ACSS3: variants seen among roughly 807,000 people sequenced by gnomAD.
The protein encoded by ACSS3 is acyl-CoA synthetase short chain family member 3.
In ACSS3, 64 loss-of-function variants were observed where a neutral mutation model predicts 84.2. The ratio of observed to expected loss-of-function variants is 0.76; its 90% CI spans 0.62 to 0.94. ACSS3 has a LOEUF of 0.94. ACSS3 is among the 40% of genes least tolerant of loss of function. The probability of loss-of-function intolerance (pLI) is 0.00; values close to 1 mark genes in which losing one functional copy is unlikely to be tolerated. For missense variants in ACSS3, 815 were observed against 867.6 expected (o/e 0.94, Z 0.76); for synonymous variants, 317 against 310.1 (o/e 1.02, Z -0.23).
intron 1 of ACSS3, among the ~76,000 whole-genome samples, chr12:81,092,994 T>C (rs1881767062): frequency 7.1e-6 from 1 of 140,626 alleles, no homozygotes; most frequent in South Asian, 2.5e-4. Context: ...CTAGGTTATG[T>C]TTGTGTCTGT....
intron 1 of ACSS3, among the ~76,000 whole-genome samples, chr12:81,106,936 T>C (rs1883055408): frequency 6.6e-6 from 1 of 151,704 alleles, no homozygotes; most frequent in Non-Finnish European, 1.5e-5. Context: ...GGATGCAACA[T>C]AGTTCCTTGA....
At position 81,259,447 on chromosome 12, in the gene ACSS3, G is replaced by A; in HGVS notation, c.*4525G>A. The A allele has an allele frequency of 1.5e-6, 1 of 662,636 alleles. No individual in the cohort carries two copies. Among genetic ancestry groups the A allele is most frequent in the Non-Finnish European group, 2.7e-6 (1 of 372,654 alleles). The allele number at this position is 662,636 out of a possible 1,614,324, so 41.0% of individuals were successfully genotyped here. The stretch of plus-strand genomic sequence containing the variant: ...GTTGTACAGAGTTTATGATGTAGAT[G>A]ATGTTTATTATTCAAATGACTTAAG... On this transcript the variant is annotated 3_prime_UTR_variant, in exon 16 of 16. Coordinates refer to ENST00000548058, the MANE Select transcript of ACSS3 (RefSeq NM_024560.4).
At chr12:81,251,830 G>T (rs2034165428) in intron 13 of ACSS3, among the ~76,000 whole-genome samples, 1 of 152,040 alleles carries the variant, frequency 6.6e-6, no homozygotes, top group East Asian at 1.9e-4. Flanking sequence ...GTGGCAGAGT[G>T]AGATCTTGTC....
chr12:81,141,653 A>G (rs971760589), intron 4 of ACSS3, among the ~76,000 whole-genome samples: 1 of 152,184 alleles, frequency 6.6e-6, no homozygotes, highest in Non-Finnish European at 1.5e-5. Context: ...TTAGAGTCCT[A>G]TCAAAATTAT....
chr12:81,216,418 A>C (rs1366842355), intron 9 of ACSS3, among the ~76,000 whole-genome samples: 1 of 152,188 alleles, frequency 6.6e-6, no homozygotes, highest in Non-Finnish European at 1.5e-5. Context: ...TCAATGTAAT[A>C]ATTTCAAAAA....
intron 2 of ACSS3, among the ~76,000 whole-genome samples, chr12:81,119,809 A>C (rs189456367): frequency 6.6e-6 from 1 of 152,318 alleles, no homozygotes; most frequent in South Asian, 2.1e-4. Flanking sequence ...TTTACAATCA[A>C]TTTGTACAGT....
chr12:81,155,219 CT>C (rs996215182), intron 7 of ACSS3, among the ~76,000 whole-genome samples: 4 of 152,190 alleles, frequency 2.6e-5, no homozygotes, highest in African/African-American at 9.6e-5. Context: ...GCTTGTTCTT[CT>C]TTTCTTCTCT....
chr12:81,079,775 C>G (rs770241109), intron 1 of ACSS3, among the ~76,000 whole-genome samples: 3 of 152,196 alleles, frequency 2.0e-5, no homozygotes, highest in African/African-American at 7.2e-5. Flanking sequence ...CTCACAGTTA[C>G]TGACTGTGTG....
chr12:81,095,470 C>T (rs1239573196), intron 1 of ACSS3, among the ~76,000 whole-genome samples: 1 of 151,968 alleles, frequency 6.6e-6, no homozygotes, highest in African/African-American at 2.4e-5. Context: ...ATCCTATGTC[C>T]TTTTACTTAA....
At chr12:81,135,368 A>G (rs1220847094) in intron 3 of ACSS3, among the ~76,000 whole-genome samples, 1 of 141,814 alleles carries the variant, frequency 7.1e-6, no homozygotes, top group Non-Finnish European at 1.5e-5. Flanking sequence ...AATATATATC[A>G]CATTATATAT....
intron 2 of ACSS3, among the ~76,000 whole-genome samples, chr12:81,113,261 G>GAGATT (rs1356335786): frequency 6.6e-6 from 1 of 152,048 alleles, no homozygotes; most frequent in Non-Finnish European, 1.5e-5. Context: ...AGAGTCTAGG[G>GAGATT]AGATTTCTGG....
chr12:81,155,943 C>G (rs1056038073), intron 7 of ACSS3, among the ~76,000 whole-genome samples: 1 of 152,134 alleles, frequency 6.6e-6, no homozygotes, highest in Non-Finnish European at 1.5e-5. Flanking sequence ...TCGACAGCAG[C>G]AGAATACACA....
At chr12:81,104,081 A>G (rs1882760253) in intron 1 of ACSS3, among the ~76,000 whole-genome samples, 2 of 152,184 alleles carry the variant, frequency 1.3e-5, no homozygotes, top group Admixed American at 6.5e-5. Flanking sequence ...CAAATACAAT[A>G]AAAAACCTAG....
intron 7 of ACSS3, among the ~76,000 whole-genome samples, chr12:81,163,952 T>C (rs941442139): frequency 3.9e-5 from 6 of 152,180 alleles, no homozygotes; most frequent in Admixed American, 1.3e-4. Context: ...CAAGTTTAAT[T>C]TATTATTGGA....
intron 2 of ACSS3, among the ~76,000 whole-genome samples, chr12:81,131,405 C>T (rs1036137536): frequency 6.6e-6 from 1 of 152,066 alleles, no homozygotes; most frequent in East Asian, 1.9e-4. Flanking sequence ...AATGGGAATT[C>T]GCTCATGATT....
chr12:81,191,487 G>T (rs946924613), intron 8 of ACSS3, among the ~76,000 whole-genome samples: 1 of 152,014 alleles, frequency 6.6e-6, no homozygotes, highest in African/African-American at 2.4e-5. Context: ...CTATTATCTA[G>T]AAGATTTTAT....
intron 2 of ACSS3, among the ~76,000 whole-genome samples, chr12:81,120,625 T>C (rs1273689835): frequency 6.6e-6 from 1 of 152,154 alleles, no homozygotes; most frequent in African/African-American, 2.4e-5. Flanking sequence ...TTTTCTGAAA[T>C]AGATAAATAC....
At chr12:81,219,765 G>C (rs372530317) in intron 10 of ACSS3, among the ~76,000 whole-genome samples, 223 of 152,036 alleles carry the variant, frequency 1.5e-3, no homozygotes, top group Non-Finnish European at 1.4e-3. Context: ...AAATTACCAC[G>C]TTTGAAATAT....
chr12:81,172,106 A>G (rs2030095706), intron 7 of ACSS3, among the ~76,000 whole-genome samples: 1 of 152,010 alleles, frequency 6.6e-6, no homozygotes, highest in Admixed American at 6.6e-5. Context: ...GTCTCTACTA[A>G]AAAGACAAAA....
Sources: allele counts gnomAD v4.1 joint callset (sites outside exome capture counted in the v4.1 genomes callset), GRCh38; gene constraint gnomAD v4.1.1; transcripts MANE v1.5; gene names NCBI Gene and HGNC (gene_info 2026-07-23, HGNC 2026-07-21).